SAMD9: variants seen among roughly 807,000 people sequenced by gnomAD.
The protein encoded by SAMD9 is sterile alpha motif domain-containing protein 9.
In SAMD9, 3 loss-of-function variants were observed where a neutral mutation model predicts 1.5. The observed-to-expected ratio is 2.05, with a 90% confidence interval of 0.93 to 5.29. SAMD9 has a LOEUF of 5.29. SAMD9 is among the 30% of genes most tolerant of loss of function. The pLI, the probability that SAMD9 is intolerant of heterozygous loss-of-function variation, is 0.02. For synonymous variants in SAMD9, 635 were observed against 631.9 expected, an observed-to-expected ratio of 1.00 and a Z score of -0.07; for missense variants, 1,597 against 1,820.8, an observed-to-expected ratio of 0.88 and a Z score of 2.24.
At chr7:93,108,201 G>C (rs1481920797) in intron 2 of SAMD9, among the ~76,000 whole-genome samples, 1 of 152,226 alleles carries the variant, frequency 6.6e-6, no homozygotes, top group Non-Finnish European at 1.5e-5. Flanking sequence ...TGTGCGCGCA[G>C]GTGTGACTTG....
Position 93,102,347 on chromosome 7 carries a change from T to G in SAMD9, c.3751A>C (p.Lys1251Gln), listed in dbSNP as rs1164670773. ...DPNNEYKLAL[K>Q]NYIPYLTKLK... ...TTAGTTAAATAAGGAATATAGTTTT[T>G]GAGGGCTAATTTATATTCATTGTTT... The change falls in exon 3 of 3, where the codon AAA (lysine) becomes CAA (glutamine). Residue 1251 changes from lysine to glutamine, a missense_variant. By Grantham distance (53) the Lys-to-Gln change is moderately conservative (BLOSUM62 1). Transcript: ENST00000379958. The G allele has an allele frequency of 6.2e-7, 1 of 1,608,654 alleles. No homozygotes were observed. The highest frequency in any genetic ancestry group is 1.1e-5 in the South Asian group (1 of 90,720).
At chr7:93,106,914 C>A (rs1791655739) in intron 2 of SAMD9, among the ~76,000 whole-genome samples, 1 of 152,196 alleles carries the variant, frequency 6.6e-6, no homozygotes, top group Non-Finnish European at 1.5e-5. Flanking sequence ...GTGGAGAATG[C>A]TGAAACATCA....
rs755699151 is a variant in SAMD9, at chr7:93,103,876, C to G, written c.2222G>C (p.Cys741Ser). The G allele has an allele frequency of 1.9e-6, 3 of 1,614,002 alleles. No individual in the cohort carries two copies. Among genetic ancestry groups the G allele is most frequent in the South Asian group, 2.2e-5 (2 of 91,090 alleles). ...KIIHLYHHPG[C>S]GGTTLAMHIL... ...GTGCATAGCCAAGGTAGTTCCCCCA[C>G]AGCCTGGATGATGATACAGATGAAT... Residue 741 changes from cysteine (C) to serine (S), a missense_variant, in exon 3 of 3, where the codon TGT (cysteine) becomes TCT (serine). Physicochemically the swap from Cys to Ser is moderately radical, Grantham distance 112. Around this residue, in one of 6 missense-constraint regions of SAMD9, gnomAD observed 358 missense variants for 460.4 expected, o/e 0.78. Coordinates refer to ENST00000379958, the MANE Select transcript of SAMD9 (RefSeq NM_017654.4).
intron 2 of SAMD9, among the ~76,000 whole-genome samples, chr7:93,108,259 G>A (rs529575621): frequency 4.6e-5 from 7 of 152,280 alleles, no homozygotes; most frequent in Middle Eastern, 3.4e-3. Flanking sequence ...ACCTTCAGCC[G>A]TCCTCCCTTC....
intron 2 of SAMD9, among the ~76,000 whole-genome samples, chr7:93,106,543 A>C (rs1472098410): frequency 6.6e-6 from 1 of 152,270 alleles, no homozygotes; most frequent in African/African-American, 2.4e-5. Flanking sequence ...TGTGAGATAC[A>C]TCATGATAGA....
At chr7:93,113,327 G>T (rs1017103355) in intron 2 of SAMD9, among the ~76,000 whole-genome samples, 4 of 152,136 alleles carry the variant, frequency 2.6e-5, no homozygotes, top group Admixed American at 2.6e-4. Flanking sequence ...AGACTTAAAC[G>T]TTAGAGCTAA....
Position 93,102,459 on chromosome 7 carries a change from G to A in SAMD9, c.3639C>T (p.Leu1213=). Residue 1213 remains leucine, a synonymous_variant, in exon 3 of 3, where the codon CTC becomes CTT. Transcript: ENST00000379958. ...CATTTTTATTATCAAAAAAAGGAAT[G>A]AGCTGGAGAATTTGGATTGTGTAAA... ...VGLYTIQILQ[L]IPFFDNKNEL... 1 of 1,613,658 alleles carries A rather than the reference G, an allele frequency of 6.2e-7. No homozygotes were observed. The highest frequency in any genetic ancestry group is 1.1e-5 in the South Asian group (1 of 91,062).
At chr7:93,108,826 C>T (rs944629455) in intron 2 of SAMD9, among the ~76,000 whole-genome samples, 12 of 152,164 alleles carry the variant, frequency 7.9e-5, no homozygotes, top group African/African-American at 2.9e-4. Context: ...GTGGAGCCCA[C>T]AGCAGCTCAA....
At chr7:93,106,675 G>T (rs1337031041) in intron 2 of SAMD9, among the ~76,000 whole-genome samples, 1 of 152,156 alleles carries the variant, frequency 6.6e-6, no homozygotes, top group Non-Finnish European at 1.5e-5. Context: ...TCTAAATTTG[G>T]TTACCTATTT....
chr7:93,104,709 A>G lies in SAMD9; in HGVS notation c.1389T>C (p.Leu463=). The change falls in exon 3 of 3, where the codon CTT becomes CTC. Residue 463 remains leucine (L), a synonymous_variant. Coordinates refer to ENST00000379958, the MANE Select transcript of SAMD9 (RefSeq NM_017654.4). ...KAYKESRVAN[L]HFPSVYVEQK... ...GTTCTACATATACACTTGGAAAGTG[A>G]AGGTTTGCTACTCGGCTTTCTTTGT... is the stretch of plus-strand genomic sequence containing the variant. 1 of 1,614,032 alleles carries G rather than the reference A, an allele frequency of 6.2e-7. No individual in the cohort carries two copies. Among genetic ancestry groups the G allele is most frequent in the Non-Finnish European group, 8.5e-7 (1 of 1,179,942 alleles).
At chr7:93,112,436 G>C (rs1791761605) in intron 2 of SAMD9, among the ~76,000 whole-genome samples, 1 of 152,180 alleles carries the variant, frequency 6.6e-6, no homozygotes, top group Non-Finnish European at 1.5e-5. Flanking sequence ...ATTCAACATA[G>C]TGTTGGAAGT....
In SAMD9 at chr7:93,104,395, T is replaced by G; in HGVS notation, c.1703A>C (p.Lys568Thr). The G allele has an allele frequency of 6.2e-7, 1 of 1,613,950 alleles. No homozygotes were observed. The highest frequency in any genetic ancestry group is 1.3e-5 in the African/African-American group (1 of 75,044). Residue 568 changes from lysine to threonine, a missense_variant, in exon 3 of 3, where the codon AAA (lysine) becomes ACA (threonine). Lys to Thr is a moderately conservative substitution (Grantham distance 78). This residue lies in a region of SAMD9 where 358 missense variants were observed against 460.4 expected (regional missense o/e 0.78). Coordinates refer to ENST00000379958, the MANE Select transcript of SAMD9 (RefSeq NM_017654.4). ...ETFCAFYQDL[K>T]GMENILCICV... ...AATACACAGTATATTTTCCATTCCT[T>G]TGAGATCCTGGTAGAAAGCACAGAA... is the stretch of plus-strand genomic sequence containing the variant.
In SAMD9 at chr7:93,101,205, A is replaced by C; in HGVS notation, c.*123T>G. The C allele has an allele frequency of 1.3e-6, 1 of 774,002 alleles. No homozygotes were observed. The highest frequency in any genetic ancestry group is 2.3e-6 in the Non-Finnish European group (1 of 438,408). 47.9% of individuals were successfully genotyped at this position (774,002 alleles called of 1,614,324 possible). On this transcript the variant is annotated 3_prime_UTR_variant, in exon 3 of 3. Transcript: ENST00000379958. ...TGTTTAAGAGGAAATTAAATACTGC[A>C]TGTACAGATCTGAAGAGCTAGAGGC...
intron 1 of SAMD9, among the ~76,000 whole-genome samples, chr7:93,117,475 G>A (rs961768369): frequency 1.3e-5 from 2 of 151,886 alleles, no homozygotes; most frequent in African/African-American, 4.8e-5. Flanking sequence ...TTGCTAGGTA[G>A]GGTCTTGCTA....
Position 93,099,878 on chromosome 7 carries a change from A to ACTTTAGT in SAMD9, c.*1443_*1449dup, listed in dbSNP as rs1562772896. 1 of 152,184 alleles carries ACTTTAGT rather than the reference A, an allele frequency of 6.6e-6. No individual in the cohort carries two copies. The highest frequency in any genetic ancestry group is 1.9e-4 in the East Asian group (1 of 5,200). The allele number at this position is 152,184 out of a possible 1,614,324, so 9.4% of individuals were successfully genotyped here. On this transcript the variant is annotated 3_prime_UTR_variant, in exon 3 of 3. Transcript: ENST00000379958. ...TAGATCATGTCATTTATTTACAAAT[A>ACTTTAGT]CTTTAGTATGTATCTCTAAAAGGCA...
At chr7:93,110,493 A>G (rs1166654647) in intron 2 of SAMD9, among the ~76,000 whole-genome samples, 5 of 152,246 alleles carry the variant, frequency 3.3e-5, no homozygotes, top group Non-Finnish European at 5.9e-5. Context: ...AAATGCTCCA[A>G]TTAAAAGACA....
rs1562773888 is a variant in SAMD9 at position 93,102,104 on chromosome 7, A to G, written c.3994T>C (p.Cys1332Arg). ...TTTAAAGCTACTAGGTTTCTCCTGCATCTCTCTACTTGAAGTGGCTCACTG... is the reference window on the plus strand; with the variant it reads ...TTTAAAGCTACTAGGTTTCTCCTGCGTCTCTCTACTTGAAGTGGCTCACTG... ...KFSEPLQVERCRRNLVALKAD... is the reference protein window; with the variant it reads ...KFSEPLQVERRRRNLVALKAD... The change falls in exon 3 of 3, where the codon TGC becomes CGC. Residue 1332 changes from cysteine to arginine, a missense_variant. This residue lies in a region of SAMD9 where 682 missense variants were observed against 810.0 expected (regional missense o/e 0.84). Transcript: ENST00000379958. The G allele has an allele frequency of 6.2e-7, 1 of 1,613,414 alleles. No homozygotes were observed.
intron 2 of SAMD9, among the ~76,000 whole-genome samples, chr7:93,113,288 C>T (rs201300429): frequency 3.9e-5 from 6 of 152,096 alleles, no homozygotes; most frequent in African/African-American, 7.2e-5. Context: ...CCTTACACCT[C>T]ATACAAAAAT....
In SAMD9 at chr7:93,102,564, C is replaced by T; in HGVS notation, c.3534G>A (p.Lys1178=). 1.2e-6 allele frequency: 2 copies of T among 1,613,764 alleles called. No individual in the cohort carries two copies. The highest frequency in any genetic ancestry group is 1.7e-5 in the Admixed American group (1 of 59,994). Residue 1178 remains lysine, a synonymous_variant, in exon 3 of 3, where the codon AAG becomes AAA. Coordinates refer to ENST00000379958, the MANE Select transcript of SAMD9 (RefSeq NM_017654.4). Reference sequence around the variant, plus strand: ...TTTTTGACTTCGGATACAATCTTTCCTTCACTTCATACTCTCTATCTTCAC... The same window carrying T: ...TTTTTGACTTCGGATACAATCTTTCTTTCACTTCATACTCTCTATCTTCAC... The part of the protein sequence containing the change: ...QQSEDREYEV[K]ERLYPKSKRR...
Sources: gnomAD v4.1 joint callset for allele counts (sites outside exome capture counted in the v4.1 genomes callset) on GRCh38, gnomAD v4.1.1 for gene constraint, gnomAD v4.1.1 regional missense constraint, MANE v1.5 for transcripts, NCBI Gene and HGNC (gene_info 2026-07-23, HGNC 2026-07-21) for gene names.